The following PLOD3 variants were observed in gnomAD, a reference collection of about 807,000 sequenced individuals.
The protein encoded by PLOD3 is multifunctional procollagen lysine hydroxylase and glycosyltransferase LH3.
In PLOD3, 73 loss-of-function variants were observed where a neutral mutation model predicts 96.9. That is an observed-to-expected ratio of 0.75 (90% CI 0.62 to 0.92). The LOEUF is 0.92. Among genes scored for constraint, PLOD3 ranks in the 40% least tolerant of loss-of-function variants. PLOD3 has a pLI of 0.00. For synonymous variants in PLOD3, 454 were observed against 413.7 expected, an observed-to-expected ratio of 1.10 and a Z score of -1.18; for missense variants, 1,004 against 1,004.3, an observed-to-expected ratio of 1.00 and a Z score of 0.00.
At chr7:101,215,215 C>T (rs1798249146) in intron 5 of PLOD3, 63 bp from the exon 6 acceptor site, 1 of 1,183,046 alleles carries the variant, frequency 8.5e-7, no homozygotes, top group South Asian at 1.2e-5. Context: ...CATCATTTCT[C>T]ACTTTTCTCT....
chr7:101,217,191 G>T lies in PLOD3; in HGVS notation c.84C>A (p.Pro28=). 1 of 1,494,214 alleles carries T rather than the reference G, an allele frequency of 6.7e-7. No individual in the cohort carries two copies. The allele number at this position is 1,494,214 out of a possible 1,614,324, so 92.6% of individuals were successfully genotyped here. A position where few individuals can be genotyped will look rare whatever the true frequency, so the allele number is the denominator to read the frequency against. The change falls in exon 1 of 19, where the codon CCC becomes CCA. Residue 28 remains proline, a synonymous_variant. Transcript: ENST00000223127. ...LPPAASASDR[P]RGRDPVNPEK... Reference sequence around the variant, plus strand: ...CTGGGTTGACCGGGTCTCGGCCCCGGGGCCGGTCGGAGGCTGAGGCCGCAG... The same window carrying T: ...CTGGGTTGACCGGGTCTCGGCCCCGTGGCCGGTCGGAGGCTGAGGCCGCAG...
In PLOD3 at chr7:101,206,793, C is replaced by A; in HGVS notation, c.2047G>T (p.Gly683Cys). The change falls in exon 18 of 19, where the codon GGC becomes TGC. Residue 683 changes from glycine to cysteine, a missense_variant. Gly to Cys is a radical substitution (Grantham distance 159, BLOSUM62 -3). Around this residue, in one of 5 missense-constraint regions of PLOD3, gnomAD observed 222 missense variants for 220.4 expected, o/e 1.01. Coordinates refer to ENST00000223127, the MANE Select transcript of PLOD3 (RefSeq NM_001084.5). ...FTLNVALNHK[G>C]LDYEGGGCRF... ...CTGGGGCGCACCTCATAGTCCAGGCCCTTGTGGTTGAGGGCAACGTTGAGG... is the reference window on the plus strand; with the variant it reads ...CTGGGGCGCACCTCATAGTCCAGGCACTTGTGGTTGAGGGCAACGTTGAGG... The A allele has an allele frequency of 6.3e-7, 1 of 1,583,664 alleles. No homozygotes were observed.
In PLOD3 at chr7:101,211,604, G is replaced by T; in HGVS notation, c.1345C>A (p.Gln449Lys). Reference sequence around the variant, plus strand: ...GGCGGGACTCACACTCGCTTCCGCTGCACCAGCTCCACGTAGTCCTCGGAG... The same window carrying T: ...GGCGGGACTCACACTCGCTTCCGCTTCACCAGCTCCACGTAGTCCTCGGAG... ...ARSEDYVELV[Q>K]RKRVGVWNVP... Residue 449 changes from glutamine (Q) to lysine (K), a missense_variant, in exon 12 of 19, where the codon CAG (glutamine) becomes AAG (lysine). Around this residue, in one of 5 missense-constraint regions of PLOD3, gnomAD observed 690 missense variants for 650.2 expected, o/e 1.06. Coordinates refer to ENST00000223127, the MANE Select transcript of PLOD3 (RefSeq NM_001084.5). 1 of 1,602,240 alleles carries T rather than the reference G, an allele frequency of 6.2e-7. No homozygotes were observed. Among genetic ancestry groups the T allele is most frequent in the Non-Finnish European group, 8.5e-7 (1 of 1,175,336 alleles).
At chr7:101,211,095 G>A (rs1163949436) in intron 12 of PLOD3, 2 of 230,488 alleles carry the variant, frequency 8.7e-6, no homozygotes, top group Non-Finnish European at 1.7e-5. Context: ...TGGCCAGGCT[G>A]GTCTCGAACT....
chr7:101,206,643 C>A, intron 18 of PLOD3, 136 bp downstream of exon 18: 1 of 1,135,760 alleles, frequency 8.8e-7, no homozygotes. Flanking sequence ...TGCCCAGAAG[C>A]GATCCAGGAG....
At chr7:101,209,056 A>G in intron 15 of PLOD3, 99 bp from the exon 16 acceptor site, 1 of 919,920 alleles carries the variant, frequency 1.1e-6, no homozygotes, top group South Asian at 1.3e-5. Context: ...AGGAGCAGGG[A>G]AGGCTTTGTG....
Position 101,207,378 on chromosome 7 carries a change from A to G in PLOD3, c.1935+200T>C, listed in dbSNP as rs7802724. On this transcript the variant is annotated intron_variant, in intron 17 of 18. Transcript: ENST00000223127. ...AGGCTCTCGCTGCTCACTGGCATTA[A>G]ATTAGGGCCAAGCCTCACCTTGGGT... 0.19 allele frequency among the ~76,000 whole-genome samples: 29,312 copies of G among 151,864 alleles called. 4,095 individuals carry two copies. The highest frequency in any genetic ancestry group is 0.4 in the African/African-American group (16,380 of 41,398).
chr7:101,206,195 G>T lies in PLOD3; in HGVS notation c.*86C>A. ...TGAACTCAGGAAGTGGGGAGACAGA[G>T]AGACCCATCCCCCAACTCCCAGGAC... On this transcript the variant is annotated 3_prime_UTR_variant, in exon 19 of 19. Coordinates refer to ENST00000223127, the MANE Select transcript of PLOD3 (RefSeq NM_001084.5). The T allele has an allele frequency of 7.7e-7, 1 of 1,305,852 alleles. No homozygotes were observed. Among genetic ancestry groups the T allele is most frequent in the Non-Finnish European group, 1.1e-6 (1 of 900,570 alleles). 80.9% of individuals were successfully genotyped at this position (1,305,852 alleles called of 1,614,324 possible).
rs1190330073 is a variant in PLOD3 at position 101,217,431 on chromosome 7, C to G, written c.-157G>C. On this transcript the variant is annotated 5_prime_UTR_variant, in exon 1 of 19. Coordinates refer to ENST00000223127, the MANE Select transcript of PLOD3 (RefSeq NM_001084.5). ...CTGGGGCTACGCCCTGAAAAAAAGG[C>G]GTATCCGGAGGCTACAGAAAGCTCC... 1 of 657,408 alleles carries G rather than the reference C, an allele frequency of 1.5e-6. No homozygotes were observed. The highest frequency in any genetic ancestry group is 2.3e-6 in the Non-Finnish European group (1 of 438,626). 40.7% of individuals were successfully genotyped at this position (657,408 alleles called of 1,614,324 possible). A position where few individuals can be genotyped will look rare whatever the true frequency, so the allele number is the denominator to read the frequency against.
At chr7:101,211,475 C>A in intron 12 of PLOD3, 116 bp downstream of exon 12, 1 of 1,102,602 alleles carries the variant, frequency 9.1e-7, no homozygotes, top group Non-Finnish European at 1.3e-6. Context: ...GCCACTGCAG[C>A]CAGCCTCATG....
In PLOD3 at chr7:101,215,970, A is replaced by G. The variant is rs1342566048; in HGVS notation, c.553T>C (p.Tyr185His). The G allele has an allele frequency of 1.2e-6, 2 of 1,613,818 alleles. No homozygotes were observed. The highest frequency in any genetic ancestry group is 1.7e-6 in the Non-Finnish European group (2 of 1,179,954). Residue 185 changes from tyrosine to histidine, a missense_variant, in exon 5 of 19, where the codon TAC becomes CAC. This residue lies in a region of PLOD3 where 690 missense variants were observed against 650.2 expected (regional missense o/e 1.06). Coordinates refer to ENST00000223127, the MANE Select transcript of PLOD3 (RefSeq NM_001084.5). ...AGCTGGTCGTCGTCATCATCCTTGT[A>G]CTTCCACTGGCGCACGATTTGGTGG... The part of the protein sequence containing the change: ...TIHQIVRQWK[Y>H]KDDDDDQLFY...
chr7:101,210,388 G>A lies in PLOD3; in HGVS notation c.1557C>T (p.Ser519=). ...QHEFGRLLAT[S]RYDTEHLHPD... is the part of the protein sequence containing the mutation. ...GGTGCAGGTGCTCCGTGTCGTATCT[G>A]GAAGTGGCCAGGAGCCGGCCAAATT... The change falls in exon 14 of 19, where the codon TCC becomes TCT. Residue 519 remains serine (S), a synonymous_variant. Coordinates refer to ENST00000223127, the MANE Select transcript of PLOD3 (RefSeq NM_001084.5). The A allele has an allele frequency of 2.5e-6, 4 of 1,614,210 alleles. No individual in the cohort carries two copies. The highest frequency in any genetic ancestry group is 2.5e-6 in the Non-Finnish European group (3 of 1,180,028).
intron 5 of PLOD3, 64 bp downstream of exon 5, chr7:101,215,844 A>T (rs1340671021): frequency 1.7e-6 from 2 of 1,149,122 alleles, no homozygotes; most frequent in African/African-American, 3.0e-5. Flanking sequence ...CCCAAATCCC[A>T]TTCAGCCTGA....
Position 101,212,245 on chromosome 7 carries a change from C to T in PLOD3, c.1127+8G>A, listed in dbSNP as rs1476358704. The T allele has an allele frequency of 3.1e-6, 5 of 1,611,988 alleles. No homozygotes were observed. The highest frequency in any genetic ancestry group is 4.2e-6 in the Non-Finnish European group (5 of 1,179,926). On this transcript the variant is annotated splice_region_variant and intron_variant, in intron 10 of 18. Transcript: ENST00000223127. ...CCCACCCTCTCCTCCCCGCAAGCAC[C>T]CGCTCACATGGCCATGTCCCTGGCC...
chr7:101,215,906 A>G lies in PLOD3; in HGVS notation c.615+2T>C. ...ATGCGCCCACTCCTCTGCCTTCCCT[A>G]CCCTCAGTCCTGGGTCCAGGTAGAG... On this transcript the variant is annotated splice_donor_variant, in intron 5 of 18. Transcript: ENST00000223127. LOFTEE classifies it high-confidence loss of function. 1 of 1,597,880 alleles carries G rather than the reference A, an allele frequency of 6.3e-7. No homozygotes were observed. Among genetic ancestry groups the G allele is most frequent in the Non-Finnish European group, 8.6e-7 (1 of 1,165,624 alleles).
At chr7:101,209,929 G>T (rs1798154882) in intron 15 of PLOD3, 164 bp downstream of exon 15, 3 of 593,114 alleles carry the variant, frequency 5.1e-6, no homozygotes, top group African/African-American at 1.9e-5. Flanking sequence ...GCTGGCTTTG[G>T]GGGCAAGAGT....
chr7:101,205,991 C>G lies in PLOD3; in HGVS notation c.*290G>C, dbSNP rs1308718358. On this transcript the variant is annotated 3_prime_UTR_variant, in exon 19 of 19. Transcript: ENST00000223127. ...GACCAATGGACTCAAGACTTACAAA[C>G]TGTCCTTTATTCAGAGTGAGACTGC... is the stretch of plus-strand genomic sequence containing the variant. 4.1e-5 allele frequency: 21 copies of G among 514,414 alleles called. No individual in the cohort carries two copies. The East Asian group carries it at 5.7e-4, about 14-fold the overall frequency. 31.9% of individuals were successfully genotyped at this position (514,414 alleles called of 1,614,324 possible).
chr7:101,206,762 G>C lies in PLOD3; in HGVS notation c.2061+17C>G, dbSNP rs749416647. 6.3e-6 allele frequency: 10 copies of C among 1,577,878 alleles called. No individual in the cohort carries two copies. Among genetic ancestry groups the C allele is most frequent in the Non-Finnish European group, 8.6e-6 (10 of 1,161,368 alleles). The stretch of plus-strand genomic sequence containing the variant: ...TCCTGAGGTGAAGCGTGGGTGGGTA[G>C]TGTGACTGGGGCGCACCTCATAGTC... On this transcript the variant is annotated intron_variant, in intron 18 of 18. Coordinates refer to ENST00000223127, the MANE Select transcript of PLOD3 (RefSeq NM_001084.5).
intron 15 of PLOD3, chr7:101,209,763 A>T (rs1235150486): frequency 1.9e-5 from 5 of 258,532 alleles, no homozygotes; most frequent in Admixed American, 9.9e-5. Context: ...CTGGTCTTGG[A>T]CTTCTGGCCT....
Sources: gnomAD v4.1 joint callset for allele counts (sites outside exome capture counted in the v4.1 genomes callset) on GRCh38, gnomAD v4.1.1 for gene constraint, gnomAD v4.1.1 regional missense constraint, MANE v1.5 for transcripts, NCBI Gene and HGNC (gene_info 2026-07-23, HGNC 2026-07-21) for gene names.